Variants in MAST4 observed in about 807,000 individuals in gnomAD.
MAST4 encodes the protein microtubule-associated serine/threonine-protein kinase 4.
A neutral mutation model predicts 162.7 loss-of-function variants in MAST4; 89 were observed. The ratio of observed to expected loss-of-function variants is 0.55; its 90% confidence interval spans 0.46 to 0.65. MAST4 has a LOEUF of 0.65. MAST4 is among the 30% of genes least tolerant of loss of function. The pLI, the probability that MAST4 is intolerant of heterozygous loss-of-function variation, is 0.00. For missense variants in MAST4, 3,153 were observed against 3,374.0 expected (o/e 0.93, Z 1.62); for synonymous variants, 1,479 against 1,361.1 (o/e 1.09, Z -1.91).
rs74328686 is a variant in MAST4, at chr5:67,018,470, G to C, written c.675-35934G>C. Among the ~76,000 whole-genome samples, 59 of 152,072 alleles carry C rather than the reference G, an allele frequency of 3.9e-4. 1 individual carries two copies. Among genetic ancestry groups the C allele is most frequent in the African/African-American group, 1.4e-3 (57 of 41,454 alleles). ...GTCGCAGCTGCAGTGAGCAATGGTCGTCCCACTGTACTTCAGCCTGGGCAA... is the reference window on the plus strand; with the variant it reads ...GTCGCAGCTGCAGTGAGCAATGGTCCTCCCACTGTACTTCAGCCTGGGCAA... On this transcript the variant is annotated intron_variant, in intron 4 of 28. Transcript: ENST00000403625.
At chr5:66,863,866 T>C (rs929300863) in intron 3 of MAST4, among the ~76,000 whole-genome samples, 6 of 152,198 alleles carry the variant, frequency 3.9e-5, no homozygotes, top group African/African-American at 2.4e-5. Context: ...GCTTCCTCCC[T>C]TTCCTCTTCT....
intron 4 of MAST4, chr5:66,916,953 C>G (rs1348710140): frequency 4.2e-6 from 3 of 717,834 alleles, no homozygotes; most frequent in Non-Finnish European, 7.8e-6. Context: ...TACCTATATC[C>G]TTACGTACTG....
At chr5:67,116,881 G>A (rs753897303) in intron 12 of MAST4, among the ~76,000 whole-genome samples, 39 of 152,054 alleles carry the variant, frequency 2.6e-4, no homozygotes, top group African/African-American at 9.2e-4. Context: ...TCTTGTCAGC[G>A]TCTAAACTAA....
chr5:66,626,629 T>G (rs553637642), intron 1 of MAST4, among the ~76,000 whole-genome samples: 1 of 152,360 alleles, frequency 6.6e-6, no homozygotes, highest in East Asian at 1.9e-4. Context: ...CAGTAATGAT[T>G]TAAAGACTGT....
In MAST4 at chr5:67,165,555, C is replaced by T; in HGVS notation, c.6376C>T (p.Leu2126=). The change falls in exon 29 of 29, where the codon CTA becomes TTA. Residue 2126 remains leucine (L), a synonymous_variant. Coordinates refer to ENST00000403625, the MANE Select transcript of MAST4 (RefSeq NM_001164664.2). ...AKEPERKEQP[L]QRHPSSIPPP... is the part of the protein sequence containing the mutation. ...GGAACCTGAAAGGAAGGAGCAGCCT[C>T]TACAAAGGCATCCCAGCAGCATCCC... 1 of 1,614,020 alleles carries T rather than the reference C, an allele frequency of 6.2e-7. No homozygotes were observed.
chr5:66,657,593 C>A (rs1746635270), intron 1 of MAST4, among the ~76,000 whole-genome samples: 1 of 152,116 alleles, frequency 6.6e-6, no homozygotes, highest in Non-Finnish European at 1.5e-5. Flanking sequence ...TATACATTTC[C>A]AGTTAATTGA....
intron 1 of MAST4, among the ~76,000 whole-genome samples, chr5:66,733,912 A>G (rs1752010904): frequency 6.6e-6 from 1 of 152,198 alleles, no homozygotes; most frequent in African/African-American, 2.4e-5. Flanking sequence ...TTTGCAGTTA[A>G]ATAATTTTGA....
intron 5 of MAST4, among the ~76,000 whole-genome samples, chr5:67,077,830 T>A (rs182596095): frequency 1.3e-5 from 2 of 152,308 alleles, no homozygotes; most frequent in Non-Finnish European, 2.9e-5. Context: ...ACAGGTGCAG[T>A]GGCTCATGCC....
At chr5:66,754,564 T>G (rs929031686) in intron 1 of MAST4, among the ~76,000 whole-genome samples, 8 of 152,240 alleles carry the variant, frequency 5.3e-5, no homozygotes, top group Non-Finnish European at 1.0e-4. Context: ...TGTTATATTT[T>G]AAAGTACATA....
rs139764439 is a variant in MAST4 at position 66,775,072 on chromosome 5, A to G, written c.518-13598A>G. On this transcript the variant is annotated intron_variant, in intron 2 of 28. Transcript: ENST00000403625. ...TTTCCCCCTGTAGCTGCTTAGTCACATGGGAGTCAGACAGCTCTGATATAT... is the reference window on the plus strand; with the variant it reads ...TTTCCCCCTGTAGCTGCTTAGTCACGTGGGAGTCAGACAGCTCTGATATAT... 2.9e-3 allele frequency among the ~76,000 whole-genome samples: 433 copies of G among 151,310 alleles called. 1 individual carries two copies. The highest frequency in any genetic ancestry group is 0.024 in the Middle Eastern group (7 of 292).
chr5:66,645,629 A>G (rs1745780852), intron 1 of MAST4, among the ~76,000 whole-genome samples: 1 of 152,210 alleles, frequency 6.6e-6, no homozygotes, highest in African/African-American at 2.4e-5. Flanking sequence ...ATGTCTACAT[A>G]TACAGGGATT....
intron 2 of MAST4, among the ~76,000 whole-genome samples, chr5:66,776,544 C>A (rs1310976453): frequency 1.3e-5 from 2 of 152,112 alleles, no homozygotes; most frequent in Non-Finnish European, 2.9e-5. Context: ...AAGTTTAAGG[C>A]CTCTGAGTTT....
intron 4 of MAST4, among the ~76,000 whole-genome samples, chr5:67,019,179 G>A (rs1270106924): frequency 6.6e-6 from 1 of 152,190 alleles, no homozygotes; most frequent in Non-Finnish European, 1.5e-5. Flanking sequence ...ACTGGGGCGG[G>A]TTGATGGTAA....
chr5:66,756,709 C>A (rs1385478798), intron 1 of MAST4, among the ~76,000 whole-genome samples: 2 of 152,156 alleles, frequency 1.3e-5, no homozygotes, highest in Non-Finnish European at 2.9e-5. Context: ...TTTTGAGAAG[C>A]TTTGACTAAT....
chr5:66,696,412 C>T (rs1051252657), intron 1 of MAST4, among the ~76,000 whole-genome samples: 17 of 152,142 alleles, frequency 1.1e-4, no homozygotes, highest in African/African-American at 4.1e-4. Flanking sequence ...TTTAGCACCT[C>T]CTACGGGTTT....
At position 67,166,840 on chromosome 5, in the gene MAST4, C is replaced by T. The variant is rs376179251; in HGVS notation, c.7661C>T (p.Thr2554Ile). The T allele has an allele frequency of 8.7e-6, 14 of 1,604,262 alleles. No individual in the cohort carries two copies. Among genetic ancestry groups the T allele is most frequent in the Non-Finnish European group, 1.2e-5 (14 of 1,175,992 alleles). The change falls in exon 29 of 29, where the codon ACT becomes ATT. Residue 2554 changes from threonine to isoleucine, a missense_variant. Physicochemically the swap from Thr to Ile is moderately conservative, Grantham distance 89 (BLOSUM62 -1). Transcript: ENST00000403625. ...ASHRDRALSVTATVGETKGKD... is the reference protein window; with the variant it reads ...ASHRDRALSVIATVGETKGKD... ...CACCGGGACAGGGCTCTCTCGGTGA[C>T]TGCCACCGTAGGGGAAACCAAAGGG...
In MAST4 at chr5:66,606,481, CA is replaced by C. The variant is rs2149387772; in HGVS notation, c.363+9467del. Reference sequence around the variant, plus strand: ...AGTGAGTATAAAATTGTGCTGTTAACAAAAGTAGTTATCTTGATTTCTCTTT... The same window carrying C: ...AGTGAGTATAAAATTGTGCTGTTAACAAAGTAGTTATCTTGATTTCTCTTT... On this transcript the variant is annotated intron_variant, in intron 1 of 28. Coordinates refer to ENST00000403625, the MANE Select transcript of MAST4 (RefSeq NM_001164664.2). 1.3e-5 allele frequency among the ~76,000 whole-genome samples: 2 copies of C among 152,240 alleles called. 1 individual carries two copies. Among genetic ancestry groups the C allele is most frequent in the African/African-American group, 4.8e-5 (2 of 41,544 alleles).
intron 5 of MAST4, among the ~76,000 whole-genome samples, chr5:67,063,786 G>A (rs1018974283): frequency 6.6e-6 from 1 of 152,136 alleles, no homozygotes; most frequent in African/African-American, 2.4e-5. Context: ...GGTTGCTGAA[G>A]TCCCAGCTGG....
chr5:66,607,102 G>A (rs541976627), intron 1 of MAST4, among the ~76,000 whole-genome samples: 44 of 152,294 alleles, frequency 2.9e-4, no homozygotes, highest in Admixed American at 1.2e-3. Flanking sequence ...GAGGAGAATA[G>A]TAGGGAGATA....
Sources: allele counts gnomAD v4.1 joint callset (sites outside exome capture counted in the v4.1 genomes callset), GRCh38; gene constraint gnomAD v4.1.1; transcripts MANE v1.5; gene names NCBI Gene and HGNC (gene_info 2026-07-23, HGNC 2026-07-21).